The following PPEF1 variants were observed in gnomAD, a reference collection of about 807,000 sequenced individuals.
PPEF1 encodes the protein serine/threonine-protein phosphatase with EF-hands 1.
A neutral mutation model predicts 53.3 loss-of-function variants in PPEF1; 12 were observed. The ratio of observed to expected loss-of-function variants is 0.23; its 90% CI spans 0.14 to 0.36. The LOEUF (loss-of-function observed/expected upper bound fraction) is 0.36. Ranked by LOEUF, PPEF1 falls within the 10% of genes least tolerant of loss-of-function variation. The pLI is 1.00. For synonymous variants in PPEF1, 165 were observed against 176.7 expected, an observed-to-expected ratio of 0.93 and a Z score of 0.52; for missense variants, 334 against 490.4, an observed-to-expected ratio of 0.68 and a Z score of 3.01.
chrX:18,718,442 C>T (rs1463082684), intron 1 of PPEF1, among the ~76,000 whole-genome samples: 3 of 110,187 alleles, frequency 2.7e-5, no homozygotes, highest in East Asian at 2.8e-4. Flanking sequence ...CATGGTGGCT[C>T]GCACCTGTAG....
intron 9 of PPEF1, 142 bp from the exon 10 acceptor site, chrX:18,788,979 G>A: frequency 1.5e-6 from 1 of 683,262 alleles, no homozygotes; most frequent in Non-Finnish European, 2.2e-6. Flanking sequence ...GATATAGGAG[G>A]TGGACGAGAT....
intron 1 of PPEF1, among the ~76,000 whole-genome samples, chrX:18,721,872 C>T (rs1382891339): frequency 1.8e-5 from 2 of 112,043 alleles, no homozygotes; most frequent in African/African-American, 6.5e-5. Context: ...GTTTCAAATG[C>T]CTGACATTGT....
At chrX:18,732,241 T>G (rs2044854791) in intron 2 of PPEF1, among the ~76,000 whole-genome samples, 1 of 112,906 alleles carries the variant, frequency 8.9e-6, no homozygotes, top group African/African-American at 3.2e-5. Context: ...TGGACCACAT[T>G]TTGGTCATCT....
chrX:18,763,578 A>C lies in PPEF1; in HGVS notation c.558+2002A>C, dbSNP rs1241310577. Among the ~76,000 whole-genome samples, 5 of 110,728 alleles carry C rather than the reference A, an allele frequency of 4.5e-5. No homozygotes were observed. The East Asian group carries it at 1.4e-3, about 31-fold the overall frequency. ...CAGTTCCACTCTTTGAGGCTGTGAG[A>C]GCTTGAGTAAGCCATACAACCTCCA... On this transcript the variant is annotated intron_variant, in intron 6 of 15. Transcript: ENST00000470157.
chrX:18,693,436 C>T (rs985506852), intron 4 of PPEF1, among the ~76,000 whole-genome samples: 1 of 112,193 alleles, frequency 8.9e-6, no homozygotes, highest in African/African-American at 3.2e-5. Flanking sequence ...TTATGCCCTA[C>T]GAAACATTTC....
In PPEF1 at chrX:18,692,626, A is replaced by G. The variant is rs73191533; in HGVS notation, c.-313+1532A>G. On this transcript the variant is annotated intron_variant, in intron 4 of 21. Coordinates refer to the PPEF1 transcript ENST00000361511. ...CCATGACTTTAATTCAGCCCTTACC[A>G]TCTATCTCCTGGATTATTGCAGGAG... 8.5e-3 allele frequency among the ~76,000 whole-genome samples: 945 copies of G among 110,554 alleles called. 5 individuals are homozygous for G. The highest frequency in any genetic ancestry group is 0.015 in the Non-Finnish European group (799 of 52,842).
chrX:18,811,887 G>A lies in PPEF1; in HGVS notation c.1394+5342G>A, dbSNP rs753233109. ...TTCCCAAAGTGCTGGGATTACAGGC[G>A]TGAGCCACCACGACTGGCCACTTGT... On this transcript the variant is annotated intron_variant, in intron 12 of 15. Coordinates refer to ENST00000470157, the MANE Select transcript of PPEF1 (RefSeq NM_001377996.1). 4.5e-5 allele frequency among the ~76,000 whole-genome samples: 5 copies of A among 110,901 alleles called. No individual in the cohort carries two copies. In the South Asian group the frequency reaches 1.2e-3, roughly 26 times the overall value.
intron 12 of PPEF1, among the ~76,000 whole-genome samples, chrX:18,816,729 T>G (rs1355482195): frequency 8.9e-6 from 1 of 112,057 alleles, no homozygotes; most frequent in African/African-American, 3.2e-5. Flanking sequence ...GGTTCTCATG[T>G]GTTTATAATT....
chrX:18,722,276 C>T (rs2044605121), intron 1 of PPEF1, among the ~76,000 whole-genome samples: 1 of 112,428 alleles, frequency 8.9e-6, no homozygotes, highest in Admixed American at 9.4e-5. Flanking sequence ...AAGCCTTTTG[C>T]TATTAGAGGA....
chrX:18,730,038 C>A, intron 1 of PPEF1, 143 bp from the exon 2 acceptor site: 2 of 550,436 alleles, frequency 3.6e-6, no homozygotes, highest in Non-Finnish European at 5.4e-6. Context: ...ACATAAAAGT[C>A]AATCTCATTG....
At chrX:18,689,633 A>G (rs1929254811) in intron 3 of PPEF1, among the ~76,000 whole-genome samples, 1 of 109,954 alleles carries the variant, frequency 9.1e-6, no homozygotes, top group Non-Finnish European at 1.9e-5. Flanking sequence ...ACTAAATCAG[A>G]TTGGGATTCA....
At chrX:18,681,170 G>A (rs1365652622), upstream of PPEF1, among the ~76,000 whole-genome samples, 1 of 111,810 alleles carries the variant, frequency 8.9e-6, no homozygotes, top group Non-Finnish European at 1.9e-5. Context: ...ATAGAGATGG[G>A]ATTTCACCAT....
chrX:18,769,009 T>C (rs2045827135), intron 6 of PPEF1, among the ~76,000 whole-genome samples: 1 of 112,523 alleles, frequency 8.9e-6, no homozygotes, highest in Admixed American at 9.4e-5. Flanking sequence ...CAGACACTTT[T>C]TGTGGTGCCC....
chrX:18,772,830 T>A (rs1035002952), intron 6 of PPEF1, among the ~76,000 whole-genome samples: 1 of 112,181 alleles, frequency 8.9e-6, no homozygotes, highest in Non-Finnish European at 1.9e-5. Flanking sequence ...TCCAAGATGG[T>A]TCATTCATGT....
intron 3 of PPEF1, among the ~76,000 whole-genome samples, chrX:18,747,892 G>GT (rs1156818832): frequency 3.6e-5 from 4 of 111,787 alleles, no homozygotes; most frequent in African/African-American, 9.8e-5. Flanking sequence ...GCTGTTATTT[G>GT]TTTTTTCTAA....
chrX:18,681,010 C>A (rs1928864816), upstream of PPEF1, among the ~76,000 whole-genome samples: 1 of 111,393 alleles, frequency 9.0e-6, no homozygotes, highest in Non-Finnish European at 1.9e-5. Flanking sequence ...TTAATCCAGT[C>A]TATCGTTGTT....
At chrX:18,767,577 G>C (rs776997486) in intron 6 of PPEF1, among the ~76,000 whole-genome samples, 1 of 112,029 alleles carries the variant, frequency 8.9e-6, no homozygotes, top group Non-Finnish European at 1.9e-5. Flanking sequence ...GGAGCAAATG[G>C]CACATTTTAA....
At chrX:18,785,556 T>C (rs751275874) in intron 9 of PPEF1, among the ~76,000 whole-genome samples, 6 of 110,264 alleles carry the variant, frequency 5.4e-5, no homozygotes, top group African/African-American at 2.0e-4. Flanking sequence ...ATTGTAATTA[T>C]TAATAGCACC....
intron 8 of PPEF1, among the ~76,000 whole-genome samples, chrX:18,783,535 T>A (rs1308342431): frequency 9.0e-6 from 1 of 110,690 alleles, no homozygotes; most frequent in Non-Finnish European, 1.9e-5. Context: ...CTGGCCAACA[T>A]GGAGAAACCC....
Sources: allele counts gnomAD v4.1 joint callset (sites outside exome capture counted in the v4.1 genomes callset), GRCh38; gene constraint gnomAD v4.1.1; transcripts MANE v1.5; gene names NCBI Gene and HGNC (gene_info 2026-07-23, HGNC 2026-07-21).